The following LSM14A variants were observed in gnomAD, a reference collection of about 807,000 sequenced individuals.
LSM14A encodes the protein LSM14A mRNA processing body assembly factor.
Under a neutral mutation model 52.4 loss-of-function variants are expected in LSM14A, and 14 were observed. That is an observed-to-expected ratio of 0.27 (90% confidence interval 0.18 to 0.42). LSM14A has a LOEUF of 0.42. Among genes scored for constraint, LSM14A ranks in the 10% least tolerant of loss-of-function variants. LSM14A has a pLI of 1.00. For synonymous variants in LSM14A, 185 were observed against 200.3 expected (o/e 0.92, Z 0.64); for missense variants, 417 against 581.8 (o/e 0.72, Z 2.91).
At chr19:34,173,191 T>C (rs2068834516) in intron 1 of LSM14A, among the ~76,000 whole-genome samples, 2 of 152,244 alleles carry the variant, frequency 1.3e-5, no homozygotes, top group Admixed American at 1.3e-4. Context: ...ACTTTGTTCA[T>C]TTCAATTCGT....
intron 1 of LSM14A, among the ~76,000 whole-genome samples, chr19:34,192,637 A>AAAG (rs2070522553): frequency 4.3e-5 from 1 of 23,274 alleles, no homozygotes; most frequent in African/African-American, 2.6e-4. Context: ...TTCTGCAAAA[A>AAAG]AAAAAAAAAA....
intron 3 of LSM14A, among the ~76,000 whole-genome samples, chr19:34,205,779 G>C (rs539847831): frequency 9.9e-5 from 15 of 152,118 alleles, no homozygotes; most frequent in Non-Finnish European, 1.9e-4. Flanking sequence ...AAAAAGATAA[G>C]AGCAGAAATC....
At chr19:34,218,357 C>CT (rs2072824115) in intron 6 of LSM14A, among the ~76,000 whole-genome samples, 2 of 152,168 alleles carry the variant, frequency 1.3e-5, no homozygotes, top group African/African-American at 4.8e-5. Context: ...TGGCTTGTGG[C>CT]CGAGGCATTT....
chr19:34,184,242 G>A (rs1194442599), intron 1 of LSM14A, among the ~76,000 whole-genome samples: 2 of 151,990 alleles, frequency 1.3e-5, no homozygotes, highest in Non-Finnish European at 1.5e-5. Context: ...TTTAAGAGAC[G>A]GGGTTTCACC....
At chr19:34,182,172 T>C (rs990143664) in intron 1 of LSM14A, among the ~76,000 whole-genome samples, 8 of 152,196 alleles carry the variant, frequency 5.3e-5, no homozygotes, top group African/African-American at 1.9e-4. Context: ...GTTGATTCTT[T>C]CTCCTCCTCC....
At chr19:34,202,927 G>C (rs925143744) in intron 3 of LSM14A, among the ~76,000 whole-genome samples, 1 of 152,170 alleles carries the variant, frequency 6.6e-6, no homozygotes, top group African/African-American at 2.4e-5. Flanking sequence ...AAAGTGCTAG[G>C]ATTACAGGCG....
At chr19:34,202,937 G>A (rs371886912) in intron 3 of LSM14A, among the ~76,000 whole-genome samples, 14 of 152,286 alleles carry the variant, frequency 9.2e-5, no homozygotes, top group African/African-American at 2.2e-4. Context: ...GATTACAGGC[G>A]TGAGCCACCG....
At chr19:34,184,055 CTTT>C (rs34912989) in intron 1 of LSM14A, among the ~76,000 whole-genome samples, 1 of 129,852 alleles carries the variant, frequency 7.7e-6, no homozygotes. Context: ...CTTTCCTTTG[CTTT>C]TTTTTTTTTT....
chr19:34,219,340 A>G (rs1036420972), intron 6 of LSM14A, 51 bp from the exon 7 acceptor site: 2 of 1,319,164 alleles, frequency 1.5e-6, no homozygotes, highest in Middle Eastern at 1.9e-4. Flanking sequence ...TCTGTGCTAA[A>G]CCAGCTATTA....
At chr19:34,192,472 C>T (rs181711300) in intron 1 of LSM14A, among the ~76,000 whole-genome samples, 1 of 150,424 alleles carries the variant, frequency 6.6e-6, no homozygotes, top group African/African-American at 2.4e-5. Context: ...ACTACAGGTG[C>T]ATGCCAACAT....
intron 3 of LSM14A, among the ~76,000 whole-genome samples, chr19:34,203,748 A>G (rs1048361212): frequency 6.6e-6 from 1 of 151,432 alleles, no homozygotes; most frequent in Non-Finnish European, 1.5e-5. Context: ...GGTTGCAGTG[A>G]GTTGAAATCA....
chr19:34,209,209 A>G (rs2071946223), intron 4 of LSM14A, among the ~76,000 whole-genome samples, 158 bp downstream of exon 4: 1 of 152,240 alleles, frequency 6.6e-6, no homozygotes, highest in Non-Finnish European at 1.5e-5. Flanking sequence ...CAATGAATAT[A>G]TTATTGAATG....
At chr19:34,192,562 T>G (rs943890140) in intron 1 of LSM14A, among the ~76,000 whole-genome samples, 3 of 129,422 alleles carry the variant, frequency 2.3e-5, no homozygotes, top group African/African-American at 8.6e-5. Context: ...ACTCCTGACC[T>G]CAAGTGATCT....
intron 9 of LSM14A, among the ~76,000 whole-genome samples, chr19:34,225,137 C>G (rs1053806223): frequency 2.0e-5 from 3 of 152,184 alleles, no homozygotes; most frequent in African/African-American, 7.2e-5. Context: ...CATGACAACA[C>G]TCAGCTCAAC....
At chr19:34,212,163 C>G (rs1458114139) in intron 4 of LSM14A, among the ~76,000 whole-genome samples, 1 of 151,944 alleles carries the variant, frequency 6.6e-6, no homozygotes, top group Non-Finnish European at 1.5e-5. Context: ...TACCAGGACC[C>G]TGTCTCTAAA....
intron 1 of LSM14A, among the ~76,000 whole-genome samples, chr19:34,176,871 T>C (rs2069121938): frequency 1.3e-5 from 2 of 152,378 alleles, no homozygotes; most frequent in Admixed American, 6.5e-5. Flanking sequence ...AGTAGTTGTT[T>C]AGTGGTTTTT....
intron 9 of LSM14A, 101 bp from the exon 10 acceptor site, chr19:34,227,264 G>A (rs2073391025): frequency 1.3e-6 from 1 of 754,198 alleles, no homozygotes; most frequent in African/African-American, 1.8e-5. Flanking sequence ...AAAAGTGGGG[G>A]AGTATATTTA....
At chr19:34,218,925 A>G (rs1439293738) in intron 6 of LSM14A, among the ~76,000 whole-genome samples, 1 of 152,164 alleles carries the variant, frequency 6.6e-6, no homozygotes, top group African/African-American at 2.4e-5. Flanking sequence ...TGTGCCGATT[A>G]GTGTTTATTT....
intron 9 of LSM14A, chr19:34,226,390 T>TTTTTTTTTTTC: frequency 6.7e-7 from 1 of 1,493,356 alleles, no homozygotes; most frequent in East Asian, 2.5e-5. Context: ...TTTTTTTTTT[T>TTTTTTTTTTTC]TTTTTTTTAC....
Sources: gnomAD v4.1 joint callset for allele counts (sites outside exome capture counted in the v4.1 genomes callset) on GRCh38, gnomAD v4.1.1 for gene constraint, MANE v1.5 for transcripts, NCBI Gene and HGNC (gene_info 2026-07-23, HGNC 2026-07-21) for gene names.